The following REPS2 variants were observed in gnomAD, a reference collection of about 807,000 sequenced individuals.
REPS2 encodes RALBP1 associated Eps domain containing 2.
A neutral mutation model predicts 53.6 loss-of-function variants in REPS2; 23 were observed. That is an observed-to-expected ratio of 0.43 (90% CI 0.31 to 0.61). The LOEUF is 0.61. REPS2 is among the 20% of genes least tolerant of loss of function. The pLI is 0.11. For synonymous variants in REPS2, 238 were observed against 218.6 expected, an observed-to-expected ratio of 1.09 and a Z score of -0.78; for missense variants, 446 against 534.9, an observed-to-expected ratio of 0.83 and a Z score of 1.64.
intron 1 of REPS2, among the ~76,000 whole-genome samples, chrX:16,991,557 G>A (rs1056177497): frequency 1.8e-5 from 2 of 110,948 alleles, no homozygotes; most frequent in African/African-American, 3.3e-5. Context: ...TATTAAAGTC[G>A]TAACCCTTAG....
chrX:17,021,975 G>T, intron 2 of REPS2, 148 bp from the exon 3 acceptor site: 1 of 490,125 alleles, frequency 2.0e-6, no homozygotes, highest in Non-Finnish European at 3.5e-6. Context: ...GTTATTATAG[G>T]AGTACTCATT....
At chrX:17,068,594 A>G (rs2062258132) in intron 10 of REPS2, 123 bp downstream of exon 10, 1 of 457,900 alleles carries the variant, frequency 2.2e-6, no homozygotes, top group East Asian at 4.0e-5. Context: ...ACATTTGGAT[A>G]GACTAAGTAG....
At chrX:16,960,358 C>A (rs2060644625) in intron 1 of REPS2, among the ~76,000 whole-genome samples, 1 of 75,518 alleles carries the variant, frequency 1.3e-5, no homozygotes, top group African/African-American at 4.9e-5. Flanking sequence ...ACAGCAAGAC[C>A]CTGTCTTCAA....
chrX:17,164,308 C>CA, the REPS2 span, among the ~76,000 whole-genome samples: 1 of 110,834 alleles, frequency 9.0e-6, no homozygotes, highest in Non-Finnish European at 1.9e-5. Flanking sequence ...GAATAGATTA[C>CA]AAAAAAAGCA....
At chrX:16,971,056 A>T (rs891269734) in intron 1 of REPS2, among the ~76,000 whole-genome samples, 1 of 112,263 alleles carries the variant, frequency 8.9e-6, no homozygotes, top group Non-Finnish European at 1.9e-5. Flanking sequence ...TAACCTTTTG[A>T]GGAACTGCCA....
rs1335131876 is a variant in REPS2, at chrX:17,077,485, G to T, written c.1516+78G>T. ...ATGTGTGTCTGCCACAGTGGCCTCT[G>T]TGAGTCCGGAGAAAGAGCAGACCTG... On this transcript the variant is annotated intron_variant, in intron 13 of 17. Transcript: ENST00000357277. 4 of 1,018,085 alleles carry T rather than the reference G, an allele frequency of 3.9e-6. No homozygotes were observed. The East Asian group carries it at 1.3e-4, about 33-fold the overall frequency. 83.9% of individuals were successfully genotyped at this position (1,018,085 alleles called of 1,213,427 possible). A position where few individuals can be genotyped will look rare whatever the true frequency, so the allele number is the denominator to read the frequency against.
rs1162932789 is a variant in REPS2, at chrX:16,999,368, A to ATT, written c.274-6830_274-6829dup. Among the ~76,000 whole-genome samples, 146 of 62,714 alleles carry ATT rather than the reference A, an allele frequency of 2.3e-3. 2 individuals are homozygous for ATT. The highest frequency in any genetic ancestry group is 5.4e-3 in the African/African-American group (82 of 15,081). The allele number at this position is 62,714 out of a possible 115,157, so 54.5% of individuals were successfully genotyped here. On this transcript the variant is annotated intron_variant, in intron 1 of 17. Transcript: ENST00000357277. ...TTTGCTTCCACTAGTGATGTTCCTG[A>ATT]TTTTTTTTTTTTTTTTTTTTTTTTG...
Position 17,024,991 on chromosome X carries a change from T to A in REPS2, c.547-68T>A, listed in dbSNP as rs369014165. 1.2e-5 allele frequency: 15 copies of A among 1,202,533 alleles called. No homozygotes were observed. The East Asian group carries it at 2.7e-4, about 21-fold the overall frequency. On this transcript the variant is annotated intron_variant, in intron 3 of 17. Coordinates refer to ENST00000357277, the MANE Select transcript of REPS2 (RefSeq NM_004726.3). ...CACCAGCAGTAGAGTTGCGTTATGCTTCCTGACTGCAGCTCAGAACGCCAG... is the reference window on the plus strand; with the variant it reads ...CACCAGCAGTAGAGTTGCGTTATGCATCCTGACTGCAGCTCAGAACGCCAG...
intron 5 of REPS2, among the ~76,000 whole-genome samples, chrX:17,042,478 C>A (rs2061843457): frequency 9.0e-6 from 1 of 111,709 alleles, no homozygotes; most frequent in South Asian, 3.7e-4. Context: ...CATCTGGGTC[C>A]TGCGGTGACA....
chrX:17,071,677 TC>T (rs1442451341), intron 11 of REPS2, among the ~76,000 whole-genome samples: 1 of 111,637 alleles, frequency 9.0e-6, no homozygotes, highest in Non-Finnish European at 1.9e-5. Context: ...CACAAGCGTT[TC>T]AAGGTGGTGA....
intron 1 of REPS2, among the ~76,000 whole-genome samples, chrX:16,960,745 G>A (rs953363899): frequency 3.6e-5 from 4 of 111,836 alleles, no homozygotes; most frequent in African/African-American, 1.3e-4. Flanking sequence ...GAAAACCCTG[G>A]ACTCCACAAA....
intron 1 of REPS2, among the ~76,000 whole-genome samples, chrX:16,963,502 C>T (rs1297107744): frequency 2.7e-5 from 3 of 112,327 alleles, no homozygotes; most frequent in Non-Finnish European, 5.6e-5. Context: ...GAATAGTTTC[C>T]CAACATTCCA....
the REPS2 span, among the ~76,000 whole-genome samples, chrX:17,183,077 CTA>C: frequency 8.9e-6 from 1 of 112,297 alleles, no homozygotes; most frequent in Non-Finnish European, 1.9e-5. Flanking sequence ...TCTTGGGAGA[CTA>C]TAATGGGAAT....
intron 9 of REPS2, among the ~76,000 whole-genome samples, chrX:17,068,140 C>A (rs776981179): frequency 9.1e-6 from 1 of 110,118 alleles, no homozygotes; most frequent in South Asian, 3.9e-4. Context: ...AGTGAAAGCC[C>A]TTCTCTACTA....
chrX:17,195,128 T>C, the REPS2 span, among the ~76,000 whole-genome samples: 26,121 of 111,593 alleles, frequency 0.23, 3,395 homozygotes, highest in African/African-American at 0.5. Flanking sequence ...TAGTTTCTAG[T>C]AGCTTCTATT....
At chrX:17,055,616 C>T (rs1288679938) in intron 8 of REPS2, among the ~76,000 whole-genome samples, 3 of 105,517 alleles carry the variant, frequency 2.8e-5, no homozygotes, top group Admixed American at 2.1e-4. Flanking sequence ...GGAATCCTTT[C>T]CCCATTGCTT....
chrX:17,087,028 G>A (rs1469809815), intron 13 of REPS2, among the ~76,000 whole-genome samples: 1 of 112,149 alleles, frequency 8.9e-6, no homozygotes, highest in African/African-American at 3.2e-5. Context: ...AGAATGATCA[G>A]TGGATTTGTG....
At chrX:17,123,725 A>T (rs1019830423) in intron 14 of REPS2, among the ~76,000 whole-genome samples, 7 of 112,491 alleles carry the variant, frequency 6.2e-5, no homozygotes, top group Non-Finnish European at 1.1e-4. Context: ...TTTTATTTTT[A>T]AAATTTTCTC....
chrX:16,959,318 C>T (rs181009356), intron 1 of REPS2, among the ~76,000 whole-genome samples: 13 of 111,977 alleles, frequency 1.2e-4, no homozygotes, highest in Admixed American at 1.9e-4. Flanking sequence ...TGGTTGGCCT[C>T]ACTCCTGGGC....
Sources: allele counts gnomAD v4.1 joint callset (sites outside exome capture counted in the v4.1 genomes callset), GRCh38; gene constraint gnomAD v4.1.1; transcripts MANE v1.5; gene names NCBI Gene and HGNC (gene_info 2026-07-23, HGNC 2026-07-21).